RABGEF1: variants seen among roughly 807,000 people sequenced by gnomAD.
The protein encoded by RABGEF1 is RAB guanine nucleotide exchange factor 1.
A neutral mutation model predicts 57.3 loss-of-function variants in RABGEF1; 26 were observed. That is an observed-to-expected ratio of 0.45 (90% CI 0.33 to 0.63). The LOEUF is 0.63. Among genes scored for constraint, RABGEF1 ranks in the 20% least tolerant of loss-of-function variants. RABGEF1 has a pLI of 0.02. For missense variants in RABGEF1, 464 were observed against 607.6 expected, an observed-to-expected ratio of 0.76 and a Z score of 2.48; for synonymous variants, 185 against 210.7, an observed-to-expected ratio of 0.88 and a Z score of 1.06.
At chr7:66,734,854 C>T (rs1797765549) in intron 2 of RABGEF1, among the ~76,000 whole-genome samples, 1 of 152,152 alleles carries the variant, frequency 6.6e-6, no homozygotes, top group South Asian at 2.1e-4. Flanking sequence ...GTCACTCCTG[C>T]ACATGTCTGC....
At chr7:66,680,669 G>A (rs1004259455), upstream of RABGEF1, among the ~76,000 whole-genome samples, 3 of 152,092 alleles carry the variant, frequency 2.0e-5, no homozygotes, top group South Asian at 2.1e-4. Context: ...AATTAGGGCC[G>A]GGCGCGGTGG....
At chr7:66,785,192 G>A (rs1810871213) in intron 4 of RABGEF1, among the ~76,000 whole-genome samples, 1 of 152,106 alleles carries the variant, frequency 6.6e-6, no homozygotes, top group Admixed American at 6.6e-5. Flanking sequence ...TAATTAACTG[G>A]TACAAATATC....
At chr7:66,762,965 G>A (rs1378426822) in intron 1 of RABGEF1, among the ~76,000 whole-genome samples, 1 of 152,212 alleles carries the variant, frequency 6.6e-6, no homozygotes, top group African/African-American at 2.4e-5. Context: ...AAAGGGGTAA[G>A]TGGGAAGGAT....
Position 66,771,989 on chromosome 7 carries a change from C to T in RABGEF1, c.90C>T (p.Ala30=), listed in dbSNP as rs759513079. ...GATGTGGTTACTACGGCAACCCTGC[C>T]TGGCAGGGTTTCTGCTCCAAGTGCT... ...KKGCGYYGNP[A]WQGFCSKCWR... Residue 30 remains alanine (A), a synonymous_variant, in exon 2 of 9, where the codon GCC becomes GCT. Transcript: ENST00000284957. 6.3e-7 allele frequency: 1 copy of T among 1,599,750 alleles called. No homozygotes were observed. Among genetic ancestry groups the T allele is most frequent in the South Asian group, 1.1e-5 (1 of 88,868 alleles).
chr7:66,732,207 A>G (rs1797398275), intron 2 of RABGEF1, among the ~76,000 whole-genome samples: 1 of 152,212 alleles, frequency 6.6e-6, no homozygotes, highest in African/African-American at 2.4e-5. Flanking sequence ...AGCACCGTCC[A>G]TAAGCGAGCC....
the RABGEF1 span, among the ~76,000 whole-genome samples, chr7:66,660,559 C>T: frequency 1.3e-4 from 20 of 151,454 alleles, no homozygotes; most frequent in Non-Finnish European, 2.4e-4. Flanking sequence ...TGGTGGCTCC[C>T]GCCTGTAATC....
chr7:66,770,083 T>A (rs898647136), intron 1 of RABGEF1, among the ~76,000 whole-genome samples: 1 of 152,240 alleles, frequency 6.6e-6, no homozygotes, highest in African/African-American at 2.4e-5. Context: ...TTTCTCTTTT[T>A]CTGCGTTTTT....
At chr7:66,687,111 G>C (rs1231024687) in intron 1 of RABGEF1, among the ~76,000 whole-genome samples, 1 of 136,028 alleles carries the variant, frequency 7.4e-6, no homozygotes, top group East Asian at 2.3e-4. Flanking sequence ...CACCACGCCC[G>C]GCTTTTTTTT....
intron 1 of RABGEF1, chr7:66,769,121 G>T: frequency 6.6e-6 from 1 of 152,482 alleles, no homozygotes; most frequent in East Asian, 1.9e-4. Context: ...GTGCTGTGGG[G>T]CCCATTTCCA....
chr7:66,742,781 A>G (rs1214793438), intron 1 of RABGEF1, among the ~76,000 whole-genome samples: 1 of 152,048 alleles, frequency 6.6e-6, no homozygotes, highest in Admixed American at 6.6e-5. Flanking sequence ...TGATTTTTAA[A>G]TATTTTGTAA....
chr7:66,765,586 C>G (rs867424975), intron 1 of RABGEF1, among the ~76,000 whole-genome samples: 2 of 152,252 alleles, frequency 1.3e-5, no homozygotes, highest in Middle Eastern at 3.4e-3. Context: ...TGAAATCATT[C>G]AGGACGTACA....
chr7:66,655,042 C>T, the RABGEF1 span, among the ~76,000 whole-genome samples: 14 of 152,350 alleles, frequency 9.2e-5, no homozygotes, highest in East Asian at 2.1e-3. Context: ...CCTCCCATGA[C>T]CTCTCTGGAA....
chr7:66,747,083 C>T (rs951302230), intron 1 of RABGEF1, among the ~76,000 whole-genome samples: 3 of 152,170 alleles, frequency 2.0e-5, no homozygotes, highest in East Asian at 1.9e-4. Context: ...TGTGAGCTAC[C>T]GTGCCCGGCC....
intron 1 of RABGEF1, among the ~76,000 whole-genome samples, chr7:66,768,237 T>C (rs1806231784): frequency 6.6e-6 from 1 of 152,214 alleles, no homozygotes; most frequent in Non-Finnish European, 1.5e-5. Context: ...GGAGCTGTCG[T>C]CTTTCTCTTG....
At chr7:66,784,311 C>G (rs1584083320) in intron 4 of RABGEF1, among the ~76,000 whole-genome samples, 1 of 152,300 alleles carries the variant, frequency 6.6e-6, no homozygotes, top group South Asian at 2.1e-4. Context: ...ACTTTAGCAA[C>G]TATGGAGTTT....
At chr7:66,790,994 G>A (rs192200228) in intron 4 of RABGEF1, among the ~76,000 whole-genome samples, 1 of 152,286 alleles carries the variant, frequency 6.6e-6, no homozygotes, top group East Asian at 1.9e-4. Context: ...TGTCTCTTGT[G>A]CAACTTGTAA....
At chr7:66,690,795 T>C (rs1791404484) in intron 1 of RABGEF1, among the ~76,000 whole-genome samples, 1 of 151,742 alleles carries the variant, frequency 6.6e-6, no homozygotes, top group African/African-American at 2.4e-5. Context: ...TTAAAAGGAT[T>C]GTATAAGGCC....
chr7:66,739,932 ATACTTTGTGACAC>A (rs1263429231), upstream of RABGEF1: 5 of 152,224 alleles, frequency 3.3e-5, no homozygotes, highest in Non-Finnish European at 7.3e-5. Context: ...TCAACCATTA[ATACTTTGTGACAC>A]TGGCTAATTT....
At chr7:66,804,390 A>C (rs1000092385) in intron 7 of RABGEF1, among the ~76,000 whole-genome samples, 1 of 152,198 alleles carries the variant, frequency 6.6e-6, no homozygotes, top group Admixed American at 6.5e-5. Flanking sequence ...TCTTCATCAG[A>C]CAACTTCTTC....
Sources: allele counts gnomAD v4.1 joint callset (sites outside exome capture counted in the v4.1 genomes callset), GRCh38; gene constraint gnomAD v4.1.1; transcripts MANE v1.5; gene names NCBI Gene and HGNC (gene_info 2026-07-23, HGNC 2026-07-21).